The following DLG2 variants were observed in gnomAD, a reference collection of about 807,000 sequenced individuals.
The protein encoded by DLG2 is disks large homolog 2.
Under a neutral mutation model 132.5 loss-of-function variants are expected in DLG2, and 45 were observed. That is an observed-to-expected ratio of 0.34 (90% CI 0.27 to 0.44). The LOEUF is 0.44. Among genes scored for constraint, DLG2 ranks in the 20% least tolerant of loss-of-function variants. DLG2 has a pLI of 1.00. For synonymous variants in DLG2, 424 were observed against 419.6 expected, an observed-to-expected ratio of 1.01 and a Z score of -0.13; for missense variants, 1,045 against 1,196.9, an observed-to-expected ratio of 0.87 and a Z score of 1.87.
At chr11:84,335,447 A>G (rs144699647) in intron 7 of DLG2, among the ~76,000 whole-genome samples, 1 of 152,350 alleles carries the variant, frequency 6.6e-6, no homozygotes, top group Non-Finnish European at 1.5e-5. Flanking sequence ...AACTGCTACA[A>G]TATTTGAGCA....
chr11:84,743,045 A>G (rs1162152424), intron 6 of DLG2, among the ~76,000 whole-genome samples: 1 of 152,172 alleles, frequency 6.6e-6, no homozygotes, highest in Admixed American at 6.5e-5. Flanking sequence ...AATTCACAAG[A>G]TTTATTCACT....
At chr11:85,085,055 G>T (rs1467167136) in intron 6 of DLG2, among the ~76,000 whole-genome samples, 1 of 152,016 alleles carries the variant, frequency 6.6e-6, no homozygotes, top group Non-Finnish European at 1.5e-5. Context: ...AGGAAATTTT[G>T]ATTCTGATTC....
Position 83,772,401 on chromosome 11 carries a change from C to T in DLG2, c.1825+14289G>A, listed in dbSNP as rs559542960. Among the ~76,000 whole-genome samples, 7 of 144,382 alleles carry T rather than the reference C, an allele frequency of 4.8e-5. No homozygotes were observed. The South Asian group carries it at 1.3e-3, about 27-fold the overall frequency. The allele number at this position is 144,382 out of a possible 152,430, so 94.7% of individuals were successfully genotyped here. ...CTCCAGCCTGGGTGAGAGAGCAAGA[C>T]CCTGTCTCAATAAAAAAGAAAAGAA... On this transcript the variant is annotated intron_variant, in intron 18 of 27. Transcript: ENST00000376104.
intron 19 of DLG2, among the ~76,000 whole-genome samples, chr11:83,542,079 TC>T (rs200823624): frequency 2.1e-4 from 4 of 18,888 alleles, no homozygotes; most frequent in African/African-American, 1.2e-3. Flanking sequence ...GCCTATAGAT[TC>T]CCCCAAACTG....
chr11:83,536,932 T>G (rs2095894207), intron 20 of DLG2, among the ~76,000 whole-genome samples: 1 of 152,224 alleles, frequency 6.6e-6, no homozygotes, highest in Non-Finnish European at 1.5e-5. Flanking sequence ...ATTGTTTTAC[T>G]GAGTAAGACT....
intron 6 of DLG2, among the ~76,000 whole-genome samples, chr11:84,801,985 A>G (rs538889747): frequency 1.1e-4 from 16 of 152,284 alleles, no homozygotes; most frequent in African/African-American, 3.1e-4. Flanking sequence ...TGACCAGTTT[A>G]AAAATTACTT....
At chr11:85,520,927 G>C (rs1429602473) in intron 3 of DLG2, among the ~76,000 whole-genome samples, 1 of 152,186 alleles carries the variant, frequency 6.6e-6, no homozygotes, top group South Asian at 2.1e-4. Context: ...AAAAACATCA[G>C]AGAAACTCTC....
At position 84,044,775 on chromosome 11, in the gene DLG2, G is replaced by T. The variant is rs76826125; in HGVS notation, c.919+14540C>A. Among the ~76,000 whole-genome samples the T allele has an allele frequency of 2.6e-3, 397 of 151,734 alleles. 9 individuals are homozygous for T. The East Asian group carries it at 0.068, about 26-fold the overall frequency. On this transcript the variant is annotated intron_variant, in intron 11 of 27. Transcript: ENST00000376104. Reference sequence around the variant, plus strand: ...CAAGTTTCAACTACTCTTTGAAAAAGATAAGCCTACTAGCTCAGTGTGCTC... The same window carrying T: ...CAAGTTTCAACTACTCTTTGAAAAATATAAGCCTACTAGCTCAGTGTGCTC...
At chr11:85,579,296 C>A (rs2153228391) in intron 3 of DLG2, among the ~76,000 whole-genome samples, 1 of 152,070 alleles carries the variant, frequency 6.6e-6, no homozygotes, top group East Asian at 1.9e-4. Flanking sequence ...AGGCTTAATA[C>A]CCAGGTGATG....
At chr11:85,618,236 A>T (rs1437982346) in intron 2 of DLG2, among the ~76,000 whole-genome samples, 1 of 152,184 alleles carries the variant, frequency 6.6e-6, no homozygotes. Context: ...CCTGGGCAAG[A>T]ATTGTAGCTG....
At chr11:84,555,436 T>C (rs976654407) in intron 6 of DLG2, among the ~76,000 whole-genome samples, 2 of 143,962 alleles carry the variant, frequency 1.4e-5, no homozygotes, top group Non-Finnish European at 3.1e-5. Flanking sequence ...TGGTTAGAAA[T>C]ATCCATATAT....
At chr11:85,359,709 G>T (rs1167422960) in intron 3 of DLG2, among the ~76,000 whole-genome samples, 1 of 152,116 alleles carries the variant, frequency 6.6e-6, no homozygotes. Context: ...AACATGATAT[G>T]ACAGCAAACA....
upstream of DLG2, chr11:85,627,884 G>A (rs2082106566): frequency 6.6e-6 from 1 of 152,428 alleles, no homozygotes; most frequent in South Asian, 2.1e-4. Context: ...GGAGACTGGA[G>A]GGTCGGGGGT....
Position 85,583,672 on chromosome 11 carries a change from A to G in DLG2, c.40+14985T>C, listed in dbSNP as rs534460047. Among the ~76,000 whole-genome samples the G allele has an allele frequency of 4.5e-4, 68 of 152,252 alleles. 1 individual carries two copies. In the South Asian group the frequency reaches 0.013, roughly 30 times the overall value. ...ATACTCCTCATTCTCTAACTCTTCTATCTTTCGCTAGGAGCCAGAACTGAC... is the reference window on the plus strand; with the variant it reads ...ATACTCCTCATTCTCTAACTCTTCTGTCTTTCGCTAGGAGCCAGAACTGAC... On this transcript the variant is annotated intron_variant, in intron 3 of 27. Transcript: ENST00000376104.
chr11:83,902,946 A>T (rs573688374), intron 15 of DLG2, among the ~76,000 whole-genome samples: 3 of 152,282 alleles, frequency 2.0e-5, no homozygotes, highest in African/African-American at 7.2e-5. Flanking sequence ...CAGTCAGGAT[A>T]ATTCACACAC....
chr11:85,195,726 C>T lies in DLG2; in HGVS notation c.187-41075G>A, dbSNP rs560823936. 5.9e-5 allele frequency among the ~76,000 whole-genome samples: 9 copies of T among 151,992 alleles called. No individual in the cohort carries two copies. In the South Asian group the frequency reaches 1.9e-3, roughly 32 times the overall value. Reference sequence around the variant, plus strand: ...TATTTTTAGTAGAGACGGGGTTTCACCGTGTTAGCCAGGATGGTCTCGATC... The same window carrying T: ...TATTTTTAGTAGAGACGGGGTTTCATCGTGTTAGCCAGGATGGTCTCGATC... On this transcript the variant is annotated intron_variant, in intron 4 of 27. Coordinates refer to ENST00000376104, the MANE Select transcript of DLG2 (RefSeq NM_001142699.3).
intron 11 of DLG2, among the ~76,000 whole-genome samples, chr11:84,032,155 T>C (rs1601095): frequency 2.6e-5 from 4 of 152,052 alleles, no homozygotes; most frequent in East Asian, 3.9e-4. Flanking sequence ...AAATGTTCAA[T>C]TGAAAGGAGT....
chr11:83,939,658 C>A (rs2082222005), intron 14 of DLG2, among the ~76,000 whole-genome samples: 1 of 151,950 alleles, frequency 6.6e-6, no homozygotes, highest in South Asian at 2.1e-4. Flanking sequence ...ATTAGTAACA[C>A]CTAAAGTTGC....
At chr11:85,419,344 C>T (rs537020697) in intron 3 of DLG2, among the ~76,000 whole-genome samples, 28 of 152,272 alleles carry the variant, frequency 1.8e-4, no homozygotes, top group African/African-American at 5.3e-4. Flanking sequence ...TTCTCTCTGG[C>T]TGCCCTTAAT....
Sources: gnomAD v4.1 joint callset for allele counts (sites outside exome capture counted in the v4.1 genomes callset) on GRCh38, gnomAD v4.1.1 for gene constraint, MANE v1.5 for transcripts, NCBI Gene and HGNC (gene_info 2026-07-23, HGNC 2026-07-21) for gene names.